The following CUX1 variants were observed in gnomAD, a reference collection of about 807,000 sequenced individuals.
CUX1 encodes the protein cut like homeobox 1, also known as protein CASP.
In CUX1, 31 loss-of-function variants were observed where a neutral mutation model predicts 158.8. The ratio of observed to expected loss-of-function variants is 0.20; its 90% CI spans 0.15 to 0.26. The LOEUF is 0.26. Among genes scored for constraint, CUX1 ranks in the 10% least tolerant of loss-of-function variants. The pLI is 1.00. For missense variants in CUX1, 1,589 were observed against 2,014.6 expected (o/e 0.79, Z 4.04); for synonymous variants, 879 against 862.1 (o/e 1.02, Z -0.34).
chr7:102,274,209 G>T (rs367785131), intron 15 of CUX1: 1 of 1,595,148 alleles, frequency 6.3e-7, no homozygotes, highest in Non-Finnish European at 8.6e-7. Flanking sequence ...CCCATTGTGC[G>T]GAGGCACCTC....
intron 20 of CUX1, among the ~76,000 whole-genome samples, chr7:102,220,560 T>A (rs1416628304): frequency 6.6e-6 from 1 of 152,158 alleles, no homozygotes; most frequent in Non-Finnish European, 1.5e-5. Context: ...CACCCTGTTG[T>A]GTCTTCTGAA....
At chr7:102,019,607 G>A (rs958714738) in intron 2 of CUX1, among the ~76,000 whole-genome samples, 1 of 152,090 alleles carries the variant, frequency 6.6e-6, no homozygotes, top group Non-Finnish European at 1.5e-5. Flanking sequence ...ACCCCTCGCT[G>A]CTTACCAGCA....
At chr7:101,969,920 T>TC (rs539456353) in intron 2 of CUX1, among the ~76,000 whole-genome samples, 137 of 133,164 alleles carry the variant, frequency 1.0e-3, no homozygotes, top group South Asian at 7.0e-3. Flanking sequence ...GATTCCACGG[T>TC]CCCCTTTCTC....
chr7:102,271,938 C>G (rs1161513145), intron 14 of CUX1, among the ~76,000 whole-genome samples: 2 of 152,222 alleles, frequency 1.3e-5, no homozygotes, highest in Non-Finnish European at 2.9e-5. Context: ...AGGAAAATTG[C>G]TTGAACCTTG....
chr7:102,227,610 A>G lies in CUX1; in HGVS notation c.3374A>G (p.Glu1125Gly), dbSNP rs1554529108. ...CAAGAATTAGTAGCCATGTCCCCGG[A>G]GCTGGACACCTACGGCATAACCAAG... The part of the protein sequence containing the change: ...SIQELVAMSP[E>G]LDTYGITKRV... Residue 1125 changes from glutamate to glycine, a missense_variant, in exon 21 of 24, where the codon GAG becomes GGG. Transcript: ENST00000292535. 6.2e-7 allele frequency: 1 copy of G among 1,613,960 alleles called. No homozygotes were observed. The highest frequency in any genetic ancestry group is 8.5e-7 in the Non-Finnish European group (1 of 1,180,026).
chr7:101,898,583 GTCTTTTT>G (rs1215506660), intron 1 of CUX1, among the ~76,000 whole-genome samples: 1 of 140,158 alleles, frequency 7.1e-6, no homozygotes, highest in Non-Finnish European at 1.5e-5. Context: ...CCATTTCTGT[GTCTTTTT>G]TTTTTTTTTT....
chr7:101,953,500 CTTG>C (rs1284170457), intron 2 of CUX1, among the ~76,000 whole-genome samples: 3 of 152,118 alleles, frequency 2.0e-5, no homozygotes, highest in African/African-American at 7.2e-5. Context: ...TGTGGCAGCT[CTTG>C]TTGTAGGAAT....
chr7:102,090,864 C>T (rs1267012395), intron 4 of CUX1, among the ~76,000 whole-genome samples: 7 of 152,152 alleles, frequency 4.6e-5, no homozygotes, highest in Non-Finnish European at 7.3e-5. Context: ...TTAATCCTCA[C>T]GGCAGCACCA....
chr7:102,145,139 C>T (rs574627311), intron 8 of CUX1, among the ~76,000 whole-genome samples: 5 of 151,246 alleles, frequency 3.3e-5, no homozygotes, highest in South Asian at 2.1e-4. Flanking sequence ...AAGATCCACA[C>T]GTTGCAGTTG....
chr7:102,160,357 G>GGGAGAGCC (rs1432872676), intron 9 of CUX1, among the ~76,000 whole-genome samples: 3 of 152,016 alleles, frequency 2.0e-5, no homozygotes, highest in African/African-American at 7.2e-5. Context: ...TTTGTTAAAC[G>GGGAGAGCC]GGAGAGCCTT....
rs555460310 is a variant in CUX1, at chr7:102,000,587, A to G, written c.142-27511A>G. ...GCTTTAGATTTCTCCAAAAATAGCC[A>G]GATCCCGTGGGCACGTTGAAGCTGC... On this transcript the variant is annotated intron_variant, in intron 2 of 23. Transcript: ENST00000292535. Among the ~76,000 whole-genome samples, 3 of 152,346 alleles carry G rather than the reference A, an allele frequency of 2.0e-5. No individual in the cohort carries two copies. The South Asian group carries it at 6.2e-4, about 32-fold the overall frequency.
intron 9 of CUX1, among the ~76,000 whole-genome samples, chr7:102,167,122 G>C (rs1339309741): frequency 6.6e-6 from 1 of 152,016 alleles, no homozygotes; most frequent in Non-Finnish European, 1.5e-5. Flanking sequence ...ACAAAAATTA[G>C]CTGGGCGTGA....
intron 20 of CUX1, among the ~76,000 whole-genome samples, chr7:102,220,510 G>A (rs74355011): frequency 2.0e-5 from 3 of 152,334 alleles, no homozygotes; most frequent in East Asian, 3.9e-4. Flanking sequence ...ATCACGATCT[G>A]TCCCTCTAAA....
chr7:101,994,809 G>C (rs1815623294), intron 2 of CUX1, among the ~76,000 whole-genome samples: 1 of 151,812 alleles, frequency 6.6e-6, no homozygotes, highest in Non-Finnish European at 1.5e-5. Flanking sequence ...AAACATTAAG[G>C]CCAGGCACGG....
intron 2 of CUX1, among the ~76,000 whole-genome samples, chr7:101,954,142 G>A (rs1365339944): frequency 6.6e-6 from 1 of 152,156 alleles, no homozygotes; most frequent in Non-Finnish European, 1.5e-5. Context: ...AGACGCCTGA[G>A]ACAGGAGTTT....
Position 102,250,124 on chromosome 7 carries a change from C to T in CUX1, c.*1082C>T, listed in dbSNP as rs1367163938. ...TATAATCTGCTTTTTAACCTCTAAC[C>T]GCAGAGCACGCTGATCAGACCTCAT... On this transcript the variant is annotated 3_prime_UTR_variant, in exon 24 of 24. Coordinates refer to ENST00000292535, the MANE Select transcript of CUX1 (RefSeq NM_181552.4). 22 of 985,164 alleles carry T rather than the reference C, an allele frequency of 2.2e-5. No homozygotes were observed. Among genetic ancestry groups the T allele is most frequent in the African/African-American group, 2.1e-4 (12 of 57,192 alleles). 61.0% of individuals were successfully genotyped at this position (985,164 alleles called of 1,614,324 possible).
At chr7:101,874,300 G>C (rs1197661169) in intron 1 of CUX1, among the ~76,000 whole-genome samples, 1 of 152,182 alleles carries the variant, frequency 6.6e-6, no homozygotes, top group Admixed American at 6.6e-5. Flanking sequence ...GGAAATAAGG[G>C]CTTAATATGT....
intron 10 of CUX1, among the ~76,000 whole-genome samples, chr7:102,177,429 AG>A (rs1792506041): frequency 6.7e-6 from 1 of 149,556 alleles, no homozygotes; most frequent in Non-Finnish European, 1.5e-5. Context: ...AAAAAAAAAA[AG>A]AAAAGAAAAA....
intron 5 of CUX1, 38 bp downstream of exon 5, chr7:102,097,539 CTTT>C: frequency 6.8e-7 from 1 of 1,474,294 alleles, no homozygotes; most frequent in Non-Finnish European, 9.0e-7. Context: ...TTCTTTTCTT[CTTT>C]TTTTTCTCTT....
Sources: gnomAD v4.1 joint callset for allele counts (sites outside exome capture counted in the v4.1 genomes callset) on GRCh38, gnomAD v4.1.1 for gene constraint, MANE v1.5 for transcripts, NCBI Gene and HGNC (gene_info 2026-07-23, HGNC 2026-07-21) for gene names.